The following ARID2 variants were observed in gnomAD, a reference collection of about 807,000 sequenced individuals.
The protein encoded by ARID2 is AT-rich interaction domain 2.
A neutral mutation model predicts 184.6 loss-of-function variants in ARID2; 32 were observed. That is an observed-to-expected ratio of 0.17 (90% CI 0.13 to 0.23). ARID2 has a LOEUF of 0.23. Ranked by LOEUF, ARID2 falls within the 10% of genes least tolerant of loss-of-function variation. The pLI is 1.00. For synonymous variants in ARID2, 836 were observed against 772.6 expected, an observed-to-expected ratio of 1.08 and a Z score of -1.36; for missense variants, 1,696 against 2,197.6, an observed-to-expected ratio of 0.77 and a Z score of 4.56.
At chr12:45,766,172 CTT>C (rs527306642) in intron 3 of ARID2, among the ~76,000 whole-genome samples, 5 of 145,828 alleles carry the variant, frequency 3.4e-5, no homozygotes, top group Non-Finnish European at 4.6e-5. Context: ...ATATATTTAA[CTT>C]TTTTTTTTTT....
intron 3 of ARID2, among the ~76,000 whole-genome samples, chr12:45,800,994 G>A (rs760610858): frequency 3.3e-5 from 5 of 152,086 alleles, no homozygotes; most frequent in African/African-American, 9.7e-5. Context: ...ACTCACAGTC[G>A]AATGCCAACT....
chr12:45,750,176 C>T (rs536247008), intron 3 of ARID2, among the ~76,000 whole-genome samples: 2 of 152,164 alleles, frequency 1.3e-5, no homozygotes, highest in East Asian at 1.9e-4. Context: ...GCTTAGAGGC[C>T]GTTGTGGCCT....
intron 3 of ARID2, among the ~76,000 whole-genome samples, chr12:45,808,736 CGTGTGTGTGTGTGTGTGTGTGTGTATGT>C (rs1002996463): frequency 1.4e-5 from 2 of 147,504 alleles, no homozygotes. Context: ...TGTTTGCGTG[CGTGTGTGTGTGTGTGTGTGTGTGTATGT>C]GTGTGTGTGT....
At chr12:45,733,853 A>G (rs1941054281) in intron 3 of ARID2, among the ~76,000 whole-genome samples, 1 of 152,186 alleles carries the variant, frequency 6.6e-6, no homozygotes, top group Non-Finnish European at 1.5e-5. Flanking sequence ...TCAAATATAC[A>G]TTTATTCAGT....
At chr12:45,776,563 A>G (rs1371636396) in intron 3 of ARID2, among the ~76,000 whole-genome samples, 1 of 152,194 alleles carries the variant, frequency 6.6e-6, no homozygotes. Flanking sequence ...TGGGAGTATG[A>G]TTGTTTGGTA....
intron 20 of ARID2, among the ~76,000 whole-genome samples, chr12:45,901,205 C>G (rs1327689369): frequency 8.9e-6 from 1 of 112,204 alleles, no homozygotes; most frequent in Non-Finnish European, 1.7e-5. Context: ...GAGTCTCGCT[C>G]CGTTGCCCAG....
At chr12:45,758,235 G>A (rs1002746510) in intron 3 of ARID2, among the ~76,000 whole-genome samples, 1 of 151,924 alleles carries the variant, frequency 6.6e-6, no homozygotes, top group Non-Finnish European at 1.5e-5. Context: ...TTAAGTAAGG[G>A]TAGATTTAGT....
At chr12:45,848,318 T>C (rs990868186) in intron 12 of ARID2, among the ~76,000 whole-genome samples, 3 of 151,946 alleles carry the variant, frequency 2.0e-5, no homozygotes, top group African/African-American at 7.2e-5. Flanking sequence ...AATGGGGAAA[T>C]GGGAGTGTGC....
chr12:45,891,180 A>T (rs906118953), intron 16 of ARID2, among the ~76,000 whole-genome samples: 4 of 149,336 alleles, frequency 2.7e-5, no homozygotes, highest in Admixed American at 6.7e-5. Context: ...AAAAAAAAAA[A>T]TTGATTGCAC....
chr12:45,815,521 TG>T (rs1484338778), intron 4 of ARID2, among the ~76,000 whole-genome samples: 3 of 152,152 alleles, frequency 2.0e-5, no homozygotes, highest in Non-Finnish European at 2.9e-5. Context: ...CATTTGGAAA[TG>T]AAATTCTTTA....
At chr12:45,765,102 T>C (rs1941746738) in intron 3 of ARID2, among the ~76,000 whole-genome samples, 1 of 152,254 alleles carries the variant, frequency 6.6e-6, no homozygotes, top group African/African-American at 2.4e-5. Flanking sequence ...AAATGACTAA[T>C]GAATGTGAAC....
Position 45,857,049 on chromosome 12 carries a change from T to C in ARID2, c.4774-3752T>C, listed in dbSNP as rs535409070. 5.9e-5 allele frequency among the ~76,000 whole-genome samples: 9 copies of C among 152,268 alleles called. No individual in the cohort carries two copies. The South Asian group carries it at 1.9e-3, about 32-fold the overall frequency. On this transcript the variant is annotated intron_variant, in intron 15 of 20. Coordinates refer to ENST00000334344, the MANE Select transcript of ARID2 (RefSeq NM_152641.4). ...TGAAAGAAACTTAGATACAAAAACTTAACATAAGACTTGGTTTTTTTTCAG... is the reference window on the plus strand; with the variant it reads ...TGAAAGAAACTTAGATACAAAAACTCAACATAAGACTTGGTTTTTTTTCAG...
At chr12:45,858,606 A>G (rs1448754107) in intron 15 of ARID2, among the ~76,000 whole-genome samples, 1 of 152,186 alleles carries the variant, frequency 6.6e-6, no homozygotes, top group Non-Finnish European at 1.5e-5. Context: ...ATTGCCATTT[A>G]TTGAGACTCT....
At chr12:45,904,732 G>A (rs991110924) in intron 20 of ARID2, among the ~76,000 whole-genome samples, 3 of 149,604 alleles carry the variant, frequency 2.0e-5, no homozygotes, top group Non-Finnish European at 4.4e-5. Context: ...TGCAGAAAAG[G>A]CAAACAGTAA....
intron 3 of ARID2, among the ~76,000 whole-genome samples, chr12:45,733,393 T>C (rs1262302794): frequency 6.6e-6 from 1 of 152,208 alleles, no homozygotes; most frequent in Non-Finnish European, 1.5e-5. Context: ...TTCTATTACC[T>C]ACCCATAAGA....
In ARID2 at chr12:45,891,813, T is replaced by C. The variant is rs765279847; in HGVS notation, c.4956T>C (p.His1652=). Residue 1652 remains histidine (H), a synonymous_variant, in exon 17 of 21, where the codon CAT becomes CAC. Transcript: ENST00000334344. ...AGACACCCTCACAGGTTTTCTACCA[T>C]GCAGCAACTGAACATGGAGGAAAAG... ...WFQTPSQVFY[H]AATEHGGKDV... is the part of the protein sequence containing the mutation. 1 of 1,614,226 alleles carries C rather than the reference T, an allele frequency of 6.2e-7. No individual in the cohort carries two copies. Among genetic ancestry groups the C allele is most frequent in the Admixed American group, 1.7e-5 (1 of 60,034 alleles).
chr12:45,844,922 C>G (rs538795704), intron 11 of ARID2, among the ~76,000 whole-genome samples: 1 of 152,178 alleles, frequency 6.6e-6, no homozygotes, highest in Admixed American at 6.5e-5. Context: ...AAAAAATTAT[C>G]AAAGAGGAGG....
At chr12:45,782,285 G>A (rs1038994394) in intron 3 of ARID2, among the ~76,000 whole-genome samples, 7 of 151,890 alleles carry the variant, frequency 4.6e-5, no homozygotes, top group Non-Finnish European at 1.0e-4. Flanking sequence ...AAAAACGGAG[G>A]AGATTAAAAA....
intron 15 of ARID2, among the ~76,000 whole-genome samples, chr12:45,856,003 T>C (rs1381243986): frequency 6.6e-6 from 1 of 151,898 alleles, no homozygotes; most frequent in East Asian, 1.9e-4. Flanking sequence ...AGTGCTGAGA[T>C]TATAGGTGTG....
Sources: gnomAD v4.1 joint callset for allele counts (sites outside exome capture counted in the v4.1 genomes callset) on GRCh38, gnomAD v4.1.1 for gene constraint, MANE v1.5 for transcripts, NCBI Gene and HGNC (gene_info 2026-07-23, HGNC 2026-07-21) for gene names.